WWOX: variants seen among roughly 807,000 people sequenced by gnomAD.
The protein encoded by WWOX is WW domain containing oxidoreductase.
A neutral mutation model predicts 46.2 loss-of-function variants in WWOX; 69 were observed. That is an observed-to-expected ratio of 1.49 (90% CI 1.23 to 1.82). The LOEUF is 1.82. WWOX is among the 40% of genes most tolerant of loss of function. The probability of loss-of-function intolerance (pLI) is 0.00; values close to 1 mark genes in which losing one functional copy is unlikely to be tolerated. For missense variants in WWOX, 919 were observed against 542.6 expected, an observed-to-expected ratio of 1.69 and a Z score of -6.89; for synonymous variants, 359 against 202.6, an observed-to-expected ratio of 1.77 and a Z score of -6.56.
At chr16:79,022,253 C>G (rs979348846) in intron 8 of WWOX, among the ~76,000 whole-genome samples, 30 of 147,794 alleles carry the variant, frequency 2.0e-4, no homozygotes, top group African/African-American at 7.6e-4. Flanking sequence ...ATGACAAGTG[C>G]TTGGGGCACA....
chr16:79,001,295 A>T (rs907856636), intron 8 of WWOX, among the ~76,000 whole-genome samples: 1 of 151,732 alleles, frequency 6.6e-6, no homozygotes, highest in Admixed American at 6.6e-5. Flanking sequence ...TCCAGCACAC[A>T]ATCAGCTGCT....
intron 8 of WWOX, among the ~76,000 whole-genome samples, chr16:79,052,130 C>A (rs922512120): frequency 2.8e-4 from 42 of 151,882 alleles, no homozygotes; most frequent in African/African-American, 1.0e-3. Context: ...TGCTGGTGCG[C>A]TGCACCCACT....
At chr16:78,138,434 A>G (rs1176535735) in intron 4 of WWOX, among the ~76,000 whole-genome samples, 1 of 136,910 alleles carries the variant, frequency 7.3e-6, no homozygotes, top group African/African-American at 2.7e-5. Flanking sequence ...TGTGAAAACC[A>G]AAAGGGAAAG....
chr16:78,977,719 G>A (rs1020358976), intron 8 of WWOX, among the ~76,000 whole-genome samples: 5 of 152,106 alleles, frequency 3.3e-5, no homozygotes, highest in African/African-American at 7.2e-5. Flanking sequence ...GGCAGGGGGT[G>A]CAGGGGGTGC....
rs955375616 is a variant in WWOX, at chr16:78,527,650, C to T, written c.1056+94898C>T. Among the ~76,000 whole-genome samples the T allele has an allele frequency of 3.9e-5, 6 of 152,280 alleles. 1 individual carries two copies. The East Asian group carries it at 7.7e-4, about 20-fold the overall frequency. On this transcript the variant is annotated intron_variant, in intron 8 of 8. Coordinates refer to ENST00000566780, the MANE Select transcript of WWOX (RefSeq NM_016373.4). ...TTTAACCATGTATGTGTCAGTCCTA[C>T]TATGCACCTTACAGCTCACTAACCC...
At chr16:78,678,777 G>A (rs994345087) in intron 8 of WWOX, among the ~76,000 whole-genome samples, 3 of 152,150 alleles carry the variant, frequency 2.0e-5, no homozygotes, top group Non-Finnish European at 2.9e-5. Flanking sequence ...CTCTTCTTGT[G>A]CGTGGCCTGG....
chr16:79,124,758 C>G (rs1013013646), intron 8 of WWOX, among the ~76,000 whole-genome samples: 1 of 152,112 alleles, frequency 6.6e-6, no homozygotes, highest in African/African-American at 2.4e-5. Context: ...TCAAGAGAAA[C>G]TAAATTGGTT....
intron 8 of WWOX, among the ~76,000 whole-genome samples, chr16:79,009,590 A>C (rs557607505): frequency 6.6e-6 from 1 of 152,008 alleles, no homozygotes; most frequent in South Asian, 2.1e-4. Context: ...GCCTCAGCCC[A>C]TAGGCACATG....
chr16:78,562,432 C>T (rs1276036720), intron 8 of WWOX, among the ~76,000 whole-genome samples: 3 of 152,204 alleles, frequency 2.0e-5, no homozygotes, highest in Non-Finnish European at 2.9e-5. Context: ...CCCACATCCC[C>T]TGATGCTGAG....
At chr16:78,605,271 T>G (rs1416149781) in intron 8 of WWOX, among the ~76,000 whole-genome samples, 1 of 151,948 alleles carries the variant, frequency 6.6e-6, no homozygotes, top group Non-Finnish European at 1.5e-5. Flanking sequence ...TCCAGCCTCC[T>G]GCTTCCTCTT....
At chr16:78,395,995 A>T (rs1413487019) in intron 6 of WWOX, among the ~76,000 whole-genome samples, 1 of 152,194 alleles carries the variant, frequency 6.6e-6, no homozygotes, top group Non-Finnish European at 1.5e-5. Context: ...TGCAAATACT[A>T]GGAATCCTTA....
intron 8 of WWOX, among the ~76,000 whole-genome samples, chr16:78,666,131 A>T (rs575540465): frequency 1.5e-3 from 230 of 152,124 alleles, no homozygotes; most frequent in African/African-American, 5.2e-3. Context: ...CTAAAAATTT[A>T]AAAAAATTAG....
intron 8 of WWOX, among the ~76,000 whole-genome samples, chr16:79,025,315 G>C (rs1173112989): frequency 6.6e-6 from 1 of 152,224 alleles, no homozygotes; most frequent in East Asian, 1.9e-4. Context: ...ATTTAGTGGT[G>C]GCTCCCCAAA....
rs369091864 is a variant in WWOX at position 78,206,743 on chromosome 16, CT to C, written c.516+42458del. ...TGTCTTCTCTCACCATCAGAACTAC[CT>C]TTTGACTAGAGTGTTAATTATTAAC... On this transcript the variant is annotated intron_variant, in intron 5 of 8. Coordinates refer to ENST00000566780, the MANE Select transcript of WWOX (RefSeq NM_016373.4). 6.3e-3 allele frequency among the ~76,000 whole-genome samples: 903 copies of C among 144,056 alleles called. 13 individuals carry two copies. The highest frequency in any genetic ancestry group is 0.023 in the African/African-American group (879 of 39,030). The allele number at this position is 144,056 out of a possible 152,430, so 94.5% of individuals were successfully genotyped here. A position where few individuals can be genotyped will look rare whatever the true frequency, so the allele number is the denominator to read the frequency against.
At chr16:78,327,881 T>C (rs2080665144) in intron 5 of WWOX, among the ~76,000 whole-genome samples, 2 of 143,940 alleles carry the variant, frequency 1.4e-5, no homozygotes, top group Admixed American at 7.0e-5. Context: ...TTTTTTTTTT[T>C]TTTTTTTTTT....
At chr16:78,324,601 A>G (rs1730158785) in intron 5 of WWOX, among the ~76,000 whole-genome samples, 2 of 152,192 alleles carry the variant, frequency 1.3e-5, no homozygotes, top group South Asian at 2.1e-4. Flanking sequence ...TCCATTTTAT[A>G]TTCATAAAAA....
chr16:78,943,730 C>G (rs10083788), intron 8 of WWOX, among the ~76,000 whole-genome samples: 10,458 of 152,156 alleles, frequency 0.069, 1,090 homozygotes, highest in African/African-American at 0.21. Flanking sequence ...TAAAAGGTAG[C>G]CCTGCCAAGA....
At chr16:78,827,702 A>G (rs2051700108) in intron 8 of WWOX, among the ~76,000 whole-genome samples, 1 of 151,574 alleles carries the variant, frequency 6.6e-6, no homozygotes, top group Non-Finnish European at 1.5e-5. Flanking sequence ...TTAGCCAGGC[A>G]TGGTGGTGCA....
chr16:79,032,425 T>C (rs2047781756), intron 8 of WWOX, among the ~76,000 whole-genome samples: 1 of 147,274 alleles, frequency 6.8e-6, no homozygotes, highest in Non-Finnish European at 1.5e-5. Context: ...ACATATTATG[T>C]TGAGAGTGTA....
Sources: gnomAD v4.1 joint callset for allele counts (sites outside exome capture counted in the v4.1 genomes callset) on GRCh38, gnomAD v4.1.1 for gene constraint, MANE v1.5 for transcripts, NCBI Gene and HGNC (gene_info 2026-07-23, HGNC 2026-07-21) for gene names.